The following GPC3 variants were observed in gnomAD, a reference collection of about 807,000 sequenced individuals.
GPC3 encodes glypican 3.
In GPC3, 3 loss-of-function variants were observed where a neutral mutation model predicts 34.4. That is an observed-to-expected ratio of 0.09 (90% CI 0.04 to 0.23). The LOEUF (loss-of-function observed/expected upper bound fraction) is 0.23. Among genes scored for constraint, GPC3 ranks in the 10% least tolerant of loss-of-function variants. GPC3 has a pLI of 1.00. For missense variants in GPC3, 351 were observed against 445.6 expected (o/e 0.79, Z 1.91); for synonymous variants, 177 against 174.0 (o/e 1.02, Z -0.13).
chrX:133,734,519 T>C (rs1360191111), intron 3 of GPC3, among the ~76,000 whole-genome samples: 1 of 107,824 alleles, frequency 9.3e-6, no homozygotes, highest in Non-Finnish European at 1.9e-5. Flanking sequence ...TATTTGACAT[T>C]GTACTGGAGG....
intron 2 of GPC3, among the ~76,000 whole-genome samples, chrX:133,849,084 CTTTTTTT>C (rs60339728): frequency 1.4e-3 from 63 of 46,275 alleles, no homozygotes; most frequent in Admixed American, 2.9e-3. Flanking sequence ...ACTAAAGTTT[CTTTTTTT>C]TTTTTTTTTT....
chrX:133,788,110 A>G (rs1431911201), intron 2 of GPC3, among the ~76,000 whole-genome samples: 2 of 89,041 alleles, frequency 2.2e-5, no homozygotes, highest in African/African-American at 4.9e-5. Context: ...ATATATATAT[A>G]TATATATATA....
chrX:133,950,862 T>C (rs2076389506), intron 2 of GPC3, among the ~76,000 whole-genome samples: 1 of 110,929 alleles, frequency 9.0e-6, no homozygotes, highest in South Asian at 3.8e-4. Context: ...TTTTTCCTTG[T>C]TGGGTTTATT....
intron 2 of GPC3, among the ~76,000 whole-genome samples, chrX:133,818,967 A>G (rs756171092): frequency 9.1e-6 from 1 of 109,593 alleles, no homozygotes; most frequent in Admixed American, 9.7e-5. Context: ...CCTTTTGGTG[A>G]TTTTTCTCTA....
chrX:133,898,742 T>C (rs1454515161), intron 2 of GPC3, among the ~76,000 whole-genome samples: 1 of 111,986 alleles, frequency 8.9e-6, no homozygotes, highest in Non-Finnish European at 1.9e-5. Flanking sequence ...TACTGCTAAG[T>C]GCATAAGCCT....
chrX:133,977,110 C>T (rs1176651367), intron 1 of GPC3, among the ~76,000 whole-genome samples: 1 of 110,974 alleles, frequency 9.0e-6, no homozygotes, highest in Non-Finnish European at 1.9e-5. Context: ...ACCCCAGGAT[C>T]TCACTGGACA....
Position 133,741,008 on chromosome X carries a change from G to A in GPC3, c.1032+12474C>T, listed in dbSNP as rs1435050627. Among the ~76,000 whole-genome samples, 4 of 110,387 alleles carry A rather than the reference G, an allele frequency of 3.6e-5. No individual in the cohort carries two copies. In the Admixed American group the frequency reaches 3.9e-4, roughly 11 times the overall value. The stretch of plus-strand genomic sequence containing the variant: ...TCACTTCATTAGAGGCCTCATCTCT[G>A]AATAAGTGTGGGGCCCTGATCTAAT... On this transcript the variant is annotated intron_variant, in intron 3 of 7. Coordinates refer to ENST00000370818, the MANE Select transcript of GPC3 (RefSeq NM_004484.4).
intron 5 of GPC3, among the ~76,000 whole-genome samples, chrX:133,674,695 G>A (rs2070865772): frequency 9.0e-6 from 1 of 111,617 alleles, no homozygotes; most frequent in African/African-American, 3.3e-5. Context: ...TTGGGTGTCA[G>A]AAGCCTGTTC....
intron 3 of GPC3, among the ~76,000 whole-genome samples, chrX:133,737,549 CA>C (rs978475086): frequency 8.1e-5 from 9 of 111,490 alleles, no homozygotes; most frequent in African/African-American, 2.0e-4. Flanking sequence ...AGCAAACAAA[CA>C]AAAAAAGAAG....
intron 3 of GPC3, among the ~76,000 whole-genome samples, chrX:133,743,058 C>T (rs1305516216): frequency 8.9e-6 from 1 of 112,483 alleles, no homozygotes; most frequent in East Asian, 2.8e-4. Context: ...ATTAAGAAAT[C>T]TGTAATTTCA....
At chrX:133,544,447 G>T (rs2069365772) in intron 7 of GPC3, among the ~76,000 whole-genome samples, 1 of 111,846 alleles carries the variant, frequency 8.9e-6, no homozygotes, top group Non-Finnish European at 1.9e-5. Context: ...AATGTTTCCA[G>T]GGGTTTTCAA....
chrX:133,643,792 T>C (rs1417211292), intron 6 of GPC3, among the ~76,000 whole-genome samples: 2 of 110,673 alleles, frequency 1.8e-5, no homozygotes, highest in Non-Finnish European at 1.9e-5. Flanking sequence ...CCATAATAAA[T>C]CTGCTGTTGA....
intron 7 of GPC3, among the ~76,000 whole-genome samples, chrX:133,568,376 T>C (rs933423215): frequency 8.9e-6 from 1 of 112,049 alleles, no homozygotes; most frequent in African/African-American, 3.2e-5. Context: ...GAACAAGATG[T>C]CGTCTCTGTC....
At chrX:133,629,744 T>G (rs1451042550) in intron 6 of GPC3, among the ~76,000 whole-genome samples, 1 of 109,522 alleles carries the variant, frequency 9.1e-6, no homozygotes, top group African/African-American at 3.3e-5. Context: ...GGGAAATTAT[T>G]TTGGAATGAA....
intron 2 of GPC3, among the ~76,000 whole-genome samples, chrX:133,888,958 T>C: frequency 8.9e-6 from 1 of 112,288 alleles, no homozygotes; most frequent in Non-Finnish European, 1.9e-5. Context: ...TGAATTTGTG[T>C]GTACTGATGT....
chrX:133,742,551 T>A (rs2071573124), intron 3 of GPC3, among the ~76,000 whole-genome samples: 1 of 112,100 alleles, frequency 8.9e-6, no homozygotes, highest in Non-Finnish European at 1.9e-5. Context: ...GGGGCCCATC[T>A]ATTAACTATA....
chrX:133,609,079 C>T (rs56249937), intron 6 of GPC3, among the ~76,000 whole-genome samples: 1,156 of 111,900 alleles, frequency 0.01, 9 homozygotes, highest in Non-Finnish European at 0.016. Context: ...GAATGGTGCC[C>T]TTGTATAATT....
chrX:133,654,967 T>C (rs1281874221), intron 6 of GPC3, among the ~76,000 whole-genome samples: 2 of 111,621 alleles, frequency 1.8e-5, no homozygotes, highest in Non-Finnish European at 3.8e-5. Flanking sequence ...TGTATTTCCC[T>C]CCATTGCTCA....
intron 5 of GPC3, among the ~76,000 whole-genome samples, chrX:133,673,431 T>G (rs139765693): frequency 0.055 from 6,191 of 111,739 alleles, 425 homozygotes; most frequent in African/African-American, 0.19. Context: ...CTCCCCCAAA[T>G]AGAATAGCAA....
Sources: gnomAD v4.1 joint callset for allele counts (sites outside exome capture counted in the v4.1 genomes callset) on GRCh38, gnomAD v4.1.1 for gene constraint, MANE v1.5 for transcripts, NCBI Gene and HGNC (gene_info 2026-07-23, HGNC 2026-07-21) for gene names.